Variants in MARCO observed in about 807,000 individuals in gnomAD.
MARCO encodes macrophage receptor MARCO.
MARCO carries 72 observed loss-of-function variants against 70.0 expected under a neutral mutation model. That is an observed-to-expected ratio of 1.03 (90% confidence interval 0.85 to 1.25). The LOEUF is 1.25. MARCO is among the 50% of genes most tolerant of loss of function. The probability of loss-of-function intolerance (pLI) is 0.00; values close to 1 mark genes in which losing one functional copy is unlikely to be tolerated. For synonymous variants in MARCO, 273 were observed against 243.1 expected, an observed-to-expected ratio of 1.12 and a Z score of -1.14; for missense variants, 696 against 659.3, an observed-to-expected ratio of 1.06 and a Z score of -0.61.
chr2:118,973,385 G>GTCTCTC (rs145508451), intron 4 of MARCO, among the ~76,000 whole-genome samples: 1 of 148,544 alleles, frequency 6.7e-6, no homozygotes, highest in Admixed American at 6.7e-5. Flanking sequence ...TCTGACTTCT[G>GTCTCTC]TCTCTCTCTC....
At chr2:118,971,414 A>G (rs1680168153) in intron 3 of MARCO, 85 bp from the exon 4 acceptor site, 1 of 1,332,260 alleles carries the variant, frequency 7.5e-7, no homozygotes, top group African/African-American at 1.4e-5. Flanking sequence ...TTACCCTCCC[A>G]CTGCAGAACC....
chr2:118,953,219 C>A (rs553187449), intron 1 of MARCO, among the ~76,000 whole-genome samples: 23 of 152,300 alleles, frequency 1.5e-4, no homozygotes. Context: ...AGGCTGTGAG[C>A]TGGAACGGGC....
At position 118,974,381 on chromosome 2, in the gene MARCO, C is replaced by T. The variant is rs140806715; in HGVS notation, c.509C>T (p.Pro170Leu). 6.1e-5 allele frequency: 99 copies of T among 1,610,840 alleles called. No homozygotes were observed. The African/African-American group carries it at 7.3e-4, about 12-fold the overall frequency. ...ATGGGCATGCCTGGTGCCCCTGGCC[C>T]GCCGGGACCACCTGCTGAGAAGGGA... ...GAMGMPGAPG[P>L]PGPPAEKGAK... Residue 170 changes from proline (P) to leucine (L), a missense_variant, in exon 5 of 17, where the codon CCG becomes CTG. Physicochemically the swap from Pro to Leu is moderately conservative, Grantham distance 98. This residue lies in a region of MARCO where 605 missense variants were observed against 537.6 expected (regional missense o/e 1.13). Transcript: ENST00000327097.
At chr2:118,950,849 C>T (rs914478494) in intron 1 of MARCO, among the ~76,000 whole-genome samples, 1 of 151,782 alleles carries the variant, frequency 6.6e-6, no homozygotes, top group Non-Finnish European at 1.5e-5. Flanking sequence ...AGTGAACTTC[C>T]TTCATGTCTG....
At chr2:118,971,890 G>A (rs1445121825) in intron 4 of MARCO, among the ~76,000 whole-genome samples, 1 of 152,174 alleles carries the variant, frequency 6.6e-6, no homozygotes, top group Non-Finnish European at 1.5e-5. Flanking sequence ...CACATACATA[G>A]CACTTCCCAC....
chr2:118,981,368 G>C, intron 8 of MARCO, 41 bp from the exon 9 acceptor site: 1 of 1,313,596 alleles, frequency 7.6e-7, no homozygotes, highest in Non-Finnish European at 1.1e-6. Context: ...GGCCTGATTG[G>C]AGTTCCTCCC....
chr2:118,992,247 G>A (rs940393265), intron 14 of MARCO, among the ~76,000 whole-genome samples, 185 bp from the exon 15 acceptor site: 14 of 152,122 alleles, frequency 9.2e-5, no homozygotes, highest in African/African-American at 3.4e-4. Context: ...GCTCAGGCCC[G>A]TTTCTTCCTG....
intron 12 of MARCO, among the ~76,000 whole-genome samples, chr2:118,987,987 G>C (rs1011547597): frequency 1.3e-5 from 2 of 152,198 alleles, no homozygotes; most frequent in African/African-American, 4.8e-5. Flanking sequence ...GGCTGGGCCT[G>C]GGTGACAGCC....
At chr2:118,955,987 A>T (rs1156705598) in intron 1 of MARCO, among the ~76,000 whole-genome samples, 1 of 152,192 alleles carries the variant, frequency 6.6e-6, no homozygotes, top group Admixed American at 6.5e-5. Context: ...CTTGAAACAA[A>T]TCCCAGAAAT....
intron 1 of MARCO, chr2:118,952,625 CAA>C (rs2104552381): frequency 6.6e-6 from 1 of 152,304 alleles, no homozygotes; most frequent in South Asian, 2.1e-4. Context: ...GGTCTGTGCA[CAA>C]AGTCATCGCT....
At chr2:118,965,249 A>C (rs1455145401) in intron 1 of MARCO, among the ~76,000 whole-genome samples, 1 of 152,144 alleles carries the variant, frequency 6.6e-6, no homozygotes. Flanking sequence ...TTGTTTTCCC[A>C]GCTGATTTTC....
At chr2:118,992,386 C>T (rs1162161034) in intron 14 of MARCO, 46 bp from the exon 15 acceptor site, 2 of 1,571,922 alleles carry the variant, frequency 1.3e-6, no homozygotes, top group Non-Finnish European at 8.8e-7. Flanking sequence ...CAAAGGCGTC[C>T]TGCCTGGGTT....
chr2:118,986,077 A>G (rs1680477614), intron 12 of MARCO, among the ~76,000 whole-genome samples: 1 of 152,214 alleles, frequency 6.6e-6, no homozygotes, highest in Middle Eastern at 3.2e-3. Flanking sequence ...GAGATAGTCC[A>G]ATAATTTATT....
At chr2:118,973,704 C>T (rs1193432919) in intron 4 of MARCO, among the ~76,000 whole-genome samples, 1 of 152,156 alleles carries the variant, frequency 6.6e-6, no homozygotes, top group East Asian at 1.9e-4. Context: ...AGGCAGCCTG[C>T]CGGTGGAACT....
chr2:118,974,606 G>A, intron 6 of MARCO, 41 bp downstream of exon 6: 2 of 1,584,704 alleles, frequency 1.3e-6, no homozygotes, highest in African/African-American at 1.3e-5. Context: ...TACACAGCAA[G>A]TTTCTCAGAG....
Position 118,967,884 on chromosome 2 carries a change from A to G in MARCO, c.98-1276A>G, listed in dbSNP as rs17009726. On this transcript the variant is annotated intron_variant, in intron 1 of 16. Transcript: ENST00000327097. ...CTTCATTATTGTCTGTTTCCCTTTC[A>G]GATGTGCCCTTGGGGCCCATTTCAA... Among the ~76,000 whole-genome samples, 1,892 of 152,302 alleles carry G rather than the reference A, an allele frequency of 0.012. 94 individuals are homozygous for G. In the South Asian group the frequency reaches 0.13, roughly 10 times the overall value.
intron 1 of MARCO, among the ~76,000 whole-genome samples, chr2:118,967,242 C>A (rs1223880185): frequency 2.6e-5 from 4 of 152,210 alleles, no homozygotes; most frequent in Non-Finnish European, 5.9e-5. Context: ...CTCTACTGAA[C>A]TTCCGAAGGA....
chr2:118,971,277 G>T (rs973854207), intron 3 of MARCO, among the ~76,000 whole-genome samples: 2 of 152,030 alleles, frequency 1.3e-5, no homozygotes, highest in Non-Finnish European at 2.9e-5. Flanking sequence ...CAGGTCTCGG[G>T]GTGCAGTCCG....
chr2:118,973,517 A>G (rs1182519838), intron 4 of MARCO, among the ~76,000 whole-genome samples: 3 of 152,082 alleles, frequency 2.0e-5, no homozygotes, highest in African/African-American at 7.2e-5. Context: ...GCCTCTCCAG[A>G]TTCCCCGCCC....
Sources: gnomAD v4.1 joint callset for allele counts (sites outside exome capture counted in the v4.1 genomes callset) on GRCh38, gnomAD v4.1.1 for gene constraint, gnomAD v4.1.1 regional missense constraint, MANE v1.5 for transcripts, NCBI Gene and HGNC (gene_info 2026-07-23, HGNC 2026-07-21) for gene names.